Variants in ZBTB16 observed in about 807,000 individuals in gnomAD.
ZBTB16 encodes the protein zinc finger and BTB domain containing 16.
A neutral mutation model predicts 56.8 loss-of-function variants in ZBTB16; 8 were observed. That is an observed-to-expected ratio of 0.14 (90% confidence interval 0.08 to 0.25). The LOEUF is 0.25. Among genes scored for constraint, ZBTB16 ranks in the 10% least tolerant of loss-of-function variants. The probability of loss-of-function intolerance (pLI) is 1.00; values close to 1 mark genes in which losing one functional copy is unlikely to be tolerated. For missense variants in ZBTB16, 625 were observed against 903.0 expected (o/e 0.69, Z 3.95); for synonymous variants, 363 against 368.5 (o/e 0.98, Z 0.17).
intron 3 of ZBTB16, among the ~76,000 whole-genome samples, chr11:114,163,007 G>A (rs1404289196): frequency 6.6e-6 from 1 of 152,202 alleles, no homozygotes; most frequent in Non-Finnish European, 1.5e-5. Flanking sequence ...GCTTGCAGAT[G>A]CGCCTCCAAG....
At chr11:114,193,532 A>G (rs1312774535) in intron 4 of ZBTB16, among the ~76,000 whole-genome samples, 1 of 152,104 alleles carries the variant, frequency 6.6e-6, no homozygotes, top group Non-Finnish European at 1.5e-5. Flanking sequence ...CTCATTCATC[A>G]CTCACAGCGC....
intron 2 of ZBTB16, among the ~76,000 whole-genome samples, chr11:114,096,371 A>G (rs1418710592): frequency 6.6e-6 from 1 of 152,242 alleles, no homozygotes. Flanking sequence ...TTAAAGAGAT[A>G]CACACAAATT....
intron 4 of ZBTB16, among the ~76,000 whole-genome samples, chr11:114,220,739 T>C (rs1245506743): frequency 6.6e-6 from 1 of 152,200 alleles, no homozygotes; most frequent in African/African-American, 2.4e-5. Context: ...TTAAGTAGTA[T>C]ATAAGTAAAT....
chr11:114,082,288 C>CACAACAACA (rs564214014), intron 2 of ZBTB16, among the ~76,000 whole-genome samples: 1 of 151,512 alleles, frequency 6.6e-6, no homozygotes, highest in Admixed American at 6.6e-5. Flanking sequence ...TCTATTTCAA[C>CACAACAACA]ACAACAACAA....
intron 2 of ZBTB16, among the ~76,000 whole-genome samples, chr11:114,112,915 C>T (rs1003813264): frequency 1.3e-5 from 2 of 150,842 alleles, no homozygotes; most frequent in African/African-American, 2.5e-5. Flanking sequence ...AGGGAATGCA[C>T]TACCATACCT....
At chr11:114,230,854 C>T (rs1050249042) in intron 4 of ZBTB16, among the ~76,000 whole-genome samples, 10 of 152,238 alleles carry the variant, frequency 6.6e-5, no homozygotes, top group Non-Finnish European at 2.9e-5. Flanking sequence ...CATTCTGTCT[C>T]CCTGGGCCTT....
At chr11:114,098,815 A>C (rs762849943) in intron 2 of ZBTB16, among the ~76,000 whole-genome samples, 19 of 151,554 alleles carry the variant, frequency 1.3e-4, no homozygotes, top group Non-Finnish European at 1.9e-4. Flanking sequence ...CAATAATATC[A>C]AATAATGGGT....
intron 2 of ZBTB16, among the ~76,000 whole-genome samples, chr11:114,104,692 C>T (rs893373900): frequency 2.0e-5 from 3 of 152,222 alleles, no homozygotes; most frequent in Non-Finnish European, 4.4e-5. Context: ...GGGAACAACT[C>T]ACCACAGGAC....
intron 1 of ZBTB16, among the ~76,000 whole-genome samples, chr11:114,062,490 G>C (rs796580394): frequency 6.6e-6 from 1 of 152,242 alleles, no homozygotes; most frequent in African/African-American, 2.4e-5. Flanking sequence ...TGAGGCTTCC[G>C]TGGGTAGAAA....
intron 3 of ZBTB16, among the ~76,000 whole-genome samples, chr11:114,172,654 C>G (rs1943001281): frequency 1.3e-5 from 2 of 152,198 alleles, no homozygotes; most frequent in Admixed American, 1.3e-4. Context: ...TGCAGATGCT[C>G]ACCCTGAAGC....
chr11:114,183,793 C>G (rs1943304418), intron 3 of ZBTB16, among the ~76,000 whole-genome samples: 1 of 152,262 alleles, frequency 6.6e-6, no homozygotes, highest in Admixed American at 6.5e-5. Context: ...CAGGCCCACT[C>G]TGCTCTTGGA....
intron 4 of ZBTB16, among the ~76,000 whole-genome samples, chr11:114,196,828 T>C (rs499878): frequency 0.37 from 56,466 of 151,946 alleles, 10,852 homozygotes; most frequent in African/African-American, 0.48. Flanking sequence ...TTTTATTAAG[T>C]CTTCACTATA....
chr11:114,086,250 G>A (rs561177353), intron 2 of ZBTB16, among the ~76,000 whole-genome samples: 6 of 152,300 alleles, frequency 3.9e-5, no homozygotes, highest in African/African-American at 1.4e-4. Flanking sequence ...ATTTGGAACG[G>A]AAGTGCTTTT....
chr11:114,244,729 G>A (rs1371810144), intron 5 of ZBTB16, among the ~76,000 whole-genome samples: 1 of 151,802 alleles, frequency 6.6e-6, no homozygotes, highest in Non-Finnish European at 1.5e-5. Flanking sequence ...TTTAACATGT[G>A]CTCCACTTCA....
chr11:114,222,924 G>A (rs1211592204), intron 4 of ZBTB16, among the ~76,000 whole-genome samples: 2 of 152,182 alleles, frequency 1.3e-5, no homozygotes, highest in Non-Finnish European at 2.9e-5. Context: ...GTCAGCTTAT[G>A]TGCCTGAGGG....
At chr11:114,062,951 C>G (rs948810568) in intron 1 of ZBTB16, among the ~76,000 whole-genome samples, 1 of 152,192 alleles carries the variant, frequency 6.6e-6, no homozygotes, top group African/African-American at 2.4e-5. Flanking sequence ...CTTCATCTAA[C>G]AGATGTCATA....
At chr11:114,138,705 A>G (rs752158851) in intron 2 of ZBTB16, among the ~76,000 whole-genome samples, 7 of 149,290 alleles carry the variant, frequency 4.7e-5, no homozygotes, top group Non-Finnish European at 7.4e-5. Flanking sequence ...TTTATTTTTT[A>G]TTTGACACAG....
intron 2 of ZBTB16, among the ~76,000 whole-genome samples, chr11:114,137,298 A>G (rs1396080841): frequency 6.6e-6 from 1 of 152,236 alleles, no homozygotes; most frequent in African/African-American, 2.4e-5. Context: ...AACAGCAGTT[A>G]AAGAAGCCGT....
intron 4 of ZBTB16, among the ~76,000 whole-genome samples, chr11:114,218,656 G>A (rs1200647595): frequency 6.6e-6 from 1 of 152,184 alleles, no homozygotes; most frequent in African/African-American, 2.4e-5. Flanking sequence ...CATTAGCAAA[G>A]CAGCACTGTT....
Sources: allele counts gnomAD v4.1 joint callset (sites outside exome capture counted in the v4.1 genomes callset), GRCh38; gene constraint gnomAD v4.1.1; transcripts MANE v1.5; gene names NCBI Gene and HGNC (gene_info 2026-07-23, HGNC 2026-07-21).